CELF2: variants seen among roughly 807,000 people sequenced by gnomAD.
CELF2 encodes the protein CUG triplet repeat RNA-binding protein 2.
Under a neutral mutation model 62.6 loss-of-function variants are expected in CELF2, and 8 were observed. The ratio of observed to expected loss-of-function variants is 0.13; its 90% CI spans 0.07 to 0.23. The LOEUF is 0.23. Among genes scored for constraint, CELF2 ranks in the 10% least tolerant of loss-of-function variants. The pLI, the probability that CELF2 is intolerant of heterozygous loss-of-function variation, is 1.00. For synonymous variants in CELF2, 258 were observed against 250.0 expected (o/e 1.03, Z -0.30); for missense variants, 333 against 671.0 (o/e 0.50, Z 5.56).
intron 1 of CELF2, among the ~76,000 whole-genome samples, chr10:11,050,230 C>G (rs1345708658): frequency 6.6e-6 from 1 of 152,184 alleles, no homozygotes; most frequent in Non-Finnish European, 1.5e-5. Flanking sequence ...GTCCCGAACT[C>G]TTTGTCCGTG....
At chr10:10,821,789 T>A (rs2056986889) in intron 1 of CELF2, among the ~76,000 whole-genome samples, 1 of 152,178 alleles carries the variant, frequency 6.6e-6, no homozygotes, top group South Asian at 2.1e-4. Flanking sequence ...TATGTGGTGA[T>A]GCACGATGCC....
At chr10:10,971,355 C>A (rs1204674482) in intron 2 of CELF2, among the ~76,000 whole-genome samples, 1 of 152,210 alleles carries the variant, frequency 6.6e-6, no homozygotes, top group Non-Finnish European at 1.5e-5. Context: ...TACGCTTCCA[C>A]CTCAACCCCC....
At position 11,300,746 on chromosome 10, in the gene CELF2, C is replaced by G. The variant is rs1439324669; in HGVS notation, c.976+12194C>G. ...ATCTTTTCCTGCGCAGTTGGAATTCCGCATCCAAGCTCGTTTGAGGCAAAA... is the reference window on the plus strand; with the variant it reads ...ATCTTTTCCTGCGCAGTTGGAATTCGGCATCCAAGCTCGTTTGAGGCAAAA... On this transcript the variant is annotated intron_variant, in intron 9 of 12. Transcript: ENST00000633077. The surrounding 1 kb of genome is among the most constrained non-coding windows in gnomAD (Gnocchi z 5.5). Among the ~76,000 whole-genome samples, 3 of 152,140 alleles carry G rather than the reference C, an allele frequency of 2.0e-5. No homozygotes were observed. Among genetic ancestry groups the G allele is most frequent in the Non-Finnish European group, 2.9e-5 (2 of 68,026 alleles).
the CELF2 span, among the ~76,000 whole-genome samples, chr10:10,768,697 C>A: frequency 6.6e-6 from 1 of 151,842 alleles, no homozygotes; most frequent in Non-Finnish European, 1.5e-5. Context: ...CCTCAGGTTC[C>A]CAAGTACCGG....
At chr10:10,625,783 C>T in the CELF2 span, among the ~76,000 whole-genome samples, 4 of 152,198 alleles carry the variant, frequency 2.6e-5, no homozygotes, top group Non-Finnish European at 5.9e-5. Context: ...GGGCCCCGTC[C>T]CGTGATCTGA....
In CELF2 at chr10:11,310,448, T is replaced by C. The variant is rs183363556; in HGVS notation, c.977-3691T>C. On this transcript the variant is annotated intron_variant, in intron 9 of 12. Coordinates refer to ENST00000633077, the MANE Select transcript of CELF2 (RefSeq NM_001326342.2). ...TCTTACTGAGATTTGATAAATCTTC[T>C]TGAGAAAAATATTTCTTCATCTATA... 3.3e-5 allele frequency among the ~76,000 whole-genome samples: 5 copies of C among 152,316 alleles called. No individual in the cohort carries two copies. The East Asian group carries it at 7.7e-4, about 23-fold the overall frequency.
chr10:10,878,052 T>C (rs997073300), intron 1 of CELF2, among the ~76,000 whole-genome samples: 3 of 152,194 alleles, frequency 2.0e-5, no homozygotes, highest in Non-Finnish European at 4.4e-5. Flanking sequence ...TGGACCTCCC[T>C]GCCTCTACCA....
the CELF2 span, among the ~76,000 whole-genome samples, chr10:10,520,633 C>T: frequency 6.6e-6 from 1 of 152,068 alleles, no homozygotes; most frequent in Non-Finnish European, 1.5e-5. Flanking sequence ...AATAGGGGAA[C>T]AGCAGCCGGA....
At position 10,993,854 on chromosome 10, in the gene CELF2, T is replaced by C. The variant is rs925295701; in HGVS notation, c.89+73855T>C. 3.9e-5 allele frequency among the ~76,000 whole-genome samples: 6 copies of C among 152,104 alleles called. No homozygotes were observed. Among genetic ancestry groups the C allele is most frequent in the African/African-American group, 1.4e-4 (6 of 41,418 alleles). ...CCTTTAAGGAAGTAATTAGAGTTAA[T>C]GATGTCATAGGTGTGGGGCCCCAAT... On this transcript the variant is annotated intron_variant, in intron 2 of 13. Transcript: ENST00000636488. This position sits in a 1 kb window ranked among gnomAD's most constrained non-coding sequence, Gnocchi z 5.3.
chr10:11,140,957 C>T (rs1361514729), intron 1 of CELF2, among the ~76,000 whole-genome samples: 1 of 152,196 alleles, frequency 6.6e-6, no homozygotes, highest in South Asian at 2.1e-4. Context: ...GTTGAGGCTA[C>T]AGTGAGCGTG....
At chr10:10,543,155 A>T in the CELF2 span, among the ~76,000 whole-genome samples, 1 of 152,276 alleles carries the variant, frequency 6.6e-6, no homozygotes, top group South Asian at 2.1e-4. Context: ...GATCTCTCCT[A>T]TACTACTTAA....
the CELF2 span, among the ~76,000 whole-genome samples, chr10:10,529,149 A>G: frequency 6.6e-6 from 1 of 152,258 alleles, no homozygotes; most frequent in Non-Finnish European, 1.5e-5. Context: ...TCTCCTGGGC[A>G]GAGTCTAGCA....
At chr10:11,119,200 T>G (rs1407657354) in intron 1 of CELF2, among the ~76,000 whole-genome samples, 1 of 152,218 alleles carries the variant, frequency 6.6e-6, no homozygotes, top group African/African-American at 2.4e-5. Context: ...TTTTTTCCCC[T>G]TAAACTTTAG....
the CELF2 span, among the ~76,000 whole-genome samples, chr10:10,650,118 A>T: frequency 6.6e-6 from 1 of 152,248 alleles, no homozygotes; most frequent in Non-Finnish European, 1.5e-5. Flanking sequence ...AGGGAATGAT[A>T]GAGGACAGTG....
intron 2 of CELF2, among the ~76,000 whole-genome samples, chr10:10,922,022 T>C (rs192538041): frequency 6.6e-6 from 1 of 152,136 alleles, no homozygotes; most frequent in Non-Finnish European, 1.5e-5. Flanking sequence ...CAGGGGAAAG[T>C]ACAAATTGTT....
chr10:10,696,011 A>G, the CELF2 span, among the ~76,000 whole-genome samples: 5 of 151,812 alleles, frequency 3.3e-5, no homozygotes, highest in Admixed American at 1.3e-4. Flanking sequence ...TCAGCTCGTC[A>G]AAGTCATTCT....
chr10:10,740,153 C>CTTTTTTTT, the CELF2 span, among the ~76,000 whole-genome samples: 27 of 94,434 alleles, frequency 2.9e-4, 1 homozygote, highest in African/African-American at 6.7e-4. Flanking sequence ...GTTGCCTGTG[C>CTTTTTTTT]TTTTTTTTTT....
the CELF2 span, among the ~76,000 whole-genome samples, chr10:10,661,698 G>A: frequency 4.6e-5 from 7 of 152,142 alleles, no homozygotes; most frequent in African/African-American, 1.4e-4. Flanking sequence ...TAGTTACCAC[G>A]TTTCTAGGGT....
intron 4 of CELF2, among the ~76,000 whole-genome samples, chr10:11,253,814 G>A (rs1402555027): frequency 2.0e-5 from 3 of 152,088 alleles, no homozygotes; most frequent in Non-Finnish European, 4.4e-5. Context: ...TACTAATCAC[G>A]GGGGACCCCA....
Sources: gnomAD v4.1 joint callset for allele counts (sites outside exome capture counted in the v4.1 genomes callset) on GRCh38, gnomAD v4.1.1 for gene constraint, Gnocchi (gnomAD v3.1) non-coding constraint, MANE v1.5 for transcripts, NCBI Gene and HGNC (gene_info 2026-07-23, HGNC 2026-07-21) for gene names.